Variants in RBM46 observed in about 807,000 individuals in gnomAD.
RBM46 encodes probable RNA-binding protein 46.
Under a neutral mutation model 43.3 loss-of-function variants are expected in RBM46, and 12 were observed. The ratio of observed to expected loss-of-function variants is 0.28; its 90% CI spans 0.18 to 0.45. The LOEUF is 0.45. Among genes scored for constraint, RBM46 ranks in the 20% least tolerant of loss-of-function variants. RBM46 has a pLI of 1.00. For synonymous variants in RBM46, 205 were observed against 207.6 expected, an observed-to-expected ratio of 0.99 and a Z score of 0.11; for missense variants, 412 against 639.1, an observed-to-expected ratio of 0.64 and a Z score of 3.83.
chr4:154,788,759 C>G (rs541699046), intron 1 of RBM46, among the ~76,000 whole-genome samples: 1 of 152,072 alleles, frequency 6.6e-6, no homozygotes, highest in Non-Finnish European at 1.5e-5. Context: ...CATTGAATGT[C>G]TAAATTACCT....
At chr4:154,826,863 C>T (rs889075558) in intron 4 of RBM46, 2 of 1,499,364 alleles carry the variant, frequency 1.3e-6, no homozygotes, top group African/African-American at 1.4e-5. Context: ...GTTAATGCAC[C>T]TATGGTGTAG....
At chr4:154,806,448 T>C (rs992511769) in intron 4 of RBM46, among the ~76,000 whole-genome samples, 13 of 151,858 alleles carry the variant, frequency 8.6e-5, no homozygotes, top group African/African-American at 3.1e-4. Context: ...AAAAAGATTA[T>C]GGTTTCATTT....
At chr4:154,824,165 A>G (rs1560915992) in intron 4 of RBM46, among the ~76,000 whole-genome samples, 1 of 151,880 alleles carries the variant, frequency 6.6e-6, no homozygotes, top group African/African-American at 2.4e-5. Context: ...GGGAATGCAG[A>G]GCTACATGAG....
At position 154,828,290 on chromosome 4, in the gene RBM46, G is replaced by C. The variant is rs184527033; in HGVS notation, c.*223G>C. On this transcript the variant is annotated 3_prime_UTR_variant, in exon 5 of 5. Coordinates refer to ENST00000281722, the MANE Select transcript of RBM46 (RefSeq NM_144979.5). ...TATTCAGTGGTTTCTCTTGATAAAG[G>C]TACAGCAAACTACTATTCTTTTTAA... 7.9e-6 allele frequency: 4 copies of C among 507,932 alleles called. No individual in the cohort carries two copies. The East Asian group carries it at 1.4e-4, about 17-fold the overall frequency. 31.5% of individuals were successfully genotyped at this position (507,932 alleles called of 1,614,324 possible). A position where few individuals can be genotyped will look rare whatever the true frequency, so the allele number is the denominator to read the frequency against.
chr4:154,806,233 A>G (rs1734900268), intron 4 of RBM46, among the ~76,000 whole-genome samples: 1 of 151,790 alleles, frequency 6.6e-6, no homozygotes, highest in Non-Finnish European at 1.5e-5. Context: ...TGCACCATAT[A>G]TATTATGGAG....
At position 154,799,131 on chromosome 4, in the gene RBM46, T is replaced by G. The variant is rs776326863; in HGVS notation, c.969T>G (p.Ile323Met). The change falls in exon 4 of 5, where the codon ATT (isoleucine) becomes ATG (methionine). Residue 323 changes from isoleucine to methionine, a missense_variant. Around this residue, in one of 8 missense-constraint regions of RBM46, gnomAD observed 105 missense variants for 111.0 expected, o/e 0.95. Coordinates refer to ENST00000281722, the MANE Select transcript of RBM46 (RefSeq NM_144979.5). Reference sequence around the variant, plus strand: ...GGAGACAGCATCTTAATGGTCAGATTAGTCCAAATTCTGAAAATCTGATTG... The same window carrying G: ...GGAGACAGCATCTTAATGGTCAGATGAGTCCAAATTCTGAAAATCTGATTG... ...NTWRQHLNGQ[I>M]SPNSENLIVF... 9.9e-6 allele frequency: 16 copies of G among 1,613,966 alleles called. No individual in the cohort carries two copies. Among genetic ancestry groups the G allele is most frequent in the Non-Finnish European group, 1.4e-5 (16 of 1,180,014 alleles).
At chr4:154,793,264 C>T (rs1193195183) in intron 1 of RBM46, among the ~76,000 whole-genome samples, 1 of 152,192 alleles carries the variant, frequency 6.6e-6, no homozygotes, top group African/African-American at 2.4e-5. Context: ...CAGTCCTCTA[C>T]TGAAGAGGAG....
chr4:154,813,496 C>G (rs537770381), intron 4 of RBM46, among the ~76,000 whole-genome samples: 1 of 151,944 alleles, frequency 6.6e-6, no homozygotes, highest in South Asian at 2.1e-4. Flanking sequence ...CTGAGAAAAC[C>G]TTTGTGTTTA....
chr4:154,803,647 G>C (rs1365187831), intron 4 of RBM46, among the ~76,000 whole-genome samples: 1 of 132,616 alleles, frequency 7.5e-6, no homozygotes, highest in Non-Finnish European at 1.5e-5. Context: ...AGCTTGCAGT[G>C]AGCCGACATC....
intron 4 of RBM46, among the ~76,000 whole-genome samples, chr4:154,813,531 A>G (rs1452550544): frequency 6.6e-6 from 1 of 152,098 alleles, no homozygotes; most frequent in Non-Finnish European, 1.5e-5. Context: ...AGTATAGAAT[A>G]TAATGATTTA....
At position 154,798,802 on chromosome 4, in the gene RBM46, C is replaced by T; in HGVS notation, c.640C>T (p.His214Tyr). The change falls in exon 4 of 5, where the codon CAC becomes TAC. Residue 214 changes from histidine (H) to tyrosine (Y), a missense_variant. Coordinates refer to ENST00000281722, the MANE Select transcript of RBM46 (RefSeq NM_144979.5). ...LIPGTFQLWG[H>Y]TIQVDWADPE... ...TACAGGAACATTCCAACTATGGGGC[C>T]ACACCATTCAGGTAGATTGGGCTGA... The T allele has an allele frequency of 4.6e-6, 7 of 1,531,164 alleles. No homozygotes were observed. Among genetic ancestry groups the T allele is most frequent in the Non-Finnish European group, 6.1e-6 (7 of 1,145,006 alleles). The allele number at this position is 1,531,164 out of a possible 1,614,324, so 94.8% of individuals were successfully genotyped here.
intron 2 of RBM46, 24 bp downstream of exon 2, chr4:154,796,927 T>A: frequency 6.3e-7 from 1 of 1,599,412 alleles, no homozygotes; most frequent in Non-Finnish European, 8.5e-7. Context: ...TACAGTCTTT[T>A]AAATTTAATC....
chr4:154,803,543 A>T (rs986479749), intron 4 of RBM46, among the ~76,000 whole-genome samples: 1 of 151,786 alleles, frequency 6.6e-6, no homozygotes, highest in East Asian at 1.9e-4. Flanking sequence ...TCTACTAAAA[A>T]TACAAAAAAA....
intron 4 of RBM46, among the ~76,000 whole-genome samples, chr4:154,804,129 T>A (rs1408914025): frequency 1.3e-5 from 2 of 152,198 alleles, no homozygotes; most frequent in Non-Finnish European, 2.9e-5. Context: ...TCTGGCACCA[T>A]GCTTGTAAAG....
At chr4:154,806,723 T>C (rs1734925515) in intron 4 of RBM46, among the ~76,000 whole-genome samples, 1 of 151,936 alleles carries the variant, frequency 6.6e-6, no homozygotes, top group Admixed American at 6.5e-5. Context: ...TAATTGTTTT[T>C]CAGTTATTTT....
At chr4:154,789,533 C>A (rs1354099958) in intron 1 of RBM46, among the ~76,000 whole-genome samples, 1 of 152,158 alleles carries the variant, frequency 6.6e-6, no homozygotes, top group Non-Finnish European at 1.5e-5. Context: ...CCCACTTGAT[C>A]ATGGTGGATA....
At chr4:154,809,593 T>G (rs1207657685) in intron 4 of RBM46, among the ~76,000 whole-genome samples, 1 of 152,064 alleles carries the variant, frequency 6.6e-6, no homozygotes, top group African/African-American at 2.4e-5. Flanking sequence ...TTCTAGAAAT[T>G]TACACAAATT....
chr4:154,806,049 T>G (rs1734892247), intron 4 of RBM46, among the ~76,000 whole-genome samples: 1 of 151,896 alleles, frequency 6.6e-6, no homozygotes, highest in Non-Finnish European at 1.5e-5. Flanking sequence ...TATGACCAAG[T>G]GGTGACCAAA....
chr4:154,827,740 G>A (rs1736032291), intron 4 of RBM46, 128 bp from the exon 5 acceptor site: 2 of 1,517,066 alleles, frequency 1.3e-6, no homozygotes, highest in Non-Finnish European at 1.8e-6. Context: ...CAGCAATATA[G>A]TATCATCAAG....
Sources: gnomAD v4.1 joint callset for allele counts (sites outside exome capture counted in the v4.1 genomes callset) on GRCh38, gnomAD v4.1.1 for gene constraint, gnomAD v4.1.1 regional missense constraint, MANE v1.5 for transcripts, NCBI Gene and HGNC (gene_info 2026-07-23, HGNC 2026-07-21) for gene names.